Variants in GALNT9 observed in about 807,000 individuals in gnomAD.
GALNT9 encodes polypeptide N-acetylgalactosaminyltransferase 9.
A neutral mutation model predicts 63.1 loss-of-function variants in GALNT9; 47 were observed. The ratio of observed to expected loss-of-function variants is 0.75; its 90% CI spans 0.59 to 0.95. GALNT9 has a LOEUF of 0.95. Among genes scored for constraint, GALNT9 ranks in the 40% least tolerant of loss-of-function variants. The pLI, the probability that GALNT9 is intolerant of heterozygous loss-of-function variation, is 0.00. For synonymous variants in GALNT9, 396 were observed against 365.7 expected, an observed-to-expected ratio of 1.08 and a Z score of -0.94; for missense variants, 829 against 874.8, an observed-to-expected ratio of 0.95 and a Z score of 0.66.
intron 2 of GALNT9, among the ~76,000 whole-genome samples, chr12:132,276,944 A>G (rs1880119342): frequency 1.3e-5 from 2 of 149,402 alleles, no homozygotes; most frequent in South Asian, 4.2e-4. Context: ...ATCTGTGGAC[A>G]CACACACACA....
At position 132,197,258 on chromosome 12, in the gene GALNT9, G is replaced by C; in HGVS notation, c.1666-5C>G. On this transcript the variant is annotated splice_region_variant and splice_polypyrimidine_tract_variant and intron_variant, in intron 10 of 10. Transcript: ENST00000328957. ...CCGGCTCACAATGGGGCCACTCTGT[G>C]GGGACAGGCACATCAAGTCAGCCAG... 6.2e-7 allele frequency: 1 copy of C among 1,611,172 alleles called. No homozygotes were observed. The highest frequency in any genetic ancestry group is 8.5e-7 in the Non-Finnish European group (1 of 1,179,880).
chr12:132,277,291 C>T (rs577940959), intron 2 of GALNT9: 5 of 154,988 alleles, frequency 3.2e-5, no homozygotes, highest in East Asian at 1.9e-4. Flanking sequence ...ATGCAGCTTC[C>T]GTGGCTGCTT....
Position 132,286,196 on chromosome 12 carries a change from G to T in GALNT9, c.419+54C>A, listed in dbSNP as rs1473429002. On this transcript the variant is annotated intron_variant, in intron 2 of 10. Coordinates refer to ENST00000328957, the MANE Select transcript of GALNT9 (RefSeq NM_001122636.2). This position sits in a 1 kb window ranked among gnomAD's most constrained non-coding sequence, Gnocchi z 7.4. Reference sequence around the variant, plus strand: ...CAGTCACTTCCCTGGCCAGTGTGGGGGGCGGTCACTTCCTCGGCGGGCGTC... The same window carrying T: ...CAGTCACTTCCCTGGCCAGTGTGGGTGGCGGTCACTTCCTCGGCGGGCGTC... 1.3e-6 allele frequency: 2 copies of T among 1,512,084 alleles called. No individual in the cohort carries two copies. Among genetic ancestry groups the T allele is most frequent in the African/African-American group, 1.4e-5 (1 of 72,040 alleles). 93.7% of individuals were successfully genotyped at this position (1,512,084 alleles called of 1,614,324 possible).
At chr12:132,320,923 G>A (rs1349564618) in intron 1 of GALNT9, among the ~76,000 whole-genome samples, 1 of 152,250 alleles carries the variant, frequency 6.6e-6, no homozygotes, top group Non-Finnish European at 1.5e-5. Flanking sequence ...CAGGGGTCGT[G>A]TGACCGGCCC....
intron 1 of GALNT9, among the ~76,000 whole-genome samples, chr12:132,307,268 T>C (rs1881648639): frequency 6.6e-6 from 1 of 152,162 alleles, no homozygotes; most frequent in Non-Finnish European, 1.5e-5. Flanking sequence ...TTTATATCTC[T>C]ACATGTCAGC....
intron 5 of GALNT9, among the ~76,000 whole-genome samples, chr12:132,256,877 G>A (rs1462640117): frequency 6.6e-6 from 1 of 152,246 alleles, no homozygotes; most frequent in Non-Finnish European, 1.5e-5. Context: ...CTCACTGTGG[G>A]TTGAATTTGC....
rs148871101 is a variant in GALNT9 at position 132,244,206 on chromosome 12, G to A, written c.1077+3704C>T. ...AAGGTGGGAGGAGGGAAGGAGCTGG[G>A]GGACTGGAAAGCGGTGGTCAGCATC... On this transcript the variant is annotated intron_variant, in intron 6 of 10. Coordinates refer to ENST00000328957, the MANE Select transcript of GALNT9 (RefSeq NM_001122636.2). Among the ~76,000 whole-genome samples, 752 of 134,448 alleles carry A rather than the reference G, an allele frequency of 5.6e-3. 12 individuals carry two copies. The highest frequency in any genetic ancestry group is 0.02 in the African/African-American group (694 of 34,110). The allele number at this position is 134,448 out of a possible 152,430, so 88.2% of individuals were successfully genotyped here.
chr12:132,256,559 G>GTGGGTTTC (rs1879120699), intron 5 of GALNT9, among the ~76,000 whole-genome samples: 1 of 144,694 alleles, frequency 6.9e-6, no homozygotes, highest in African/African-American at 2.6e-5. Flanking sequence ...GGACACTGGA[G>GTGGGTTTC]GGGGGACACG....
intron 2 of GALNT9, among the ~76,000 whole-genome samples, chr12:132,270,441 G>C (rs1330412283): frequency 6.6e-6 from 1 of 152,240 alleles, no homozygotes; most frequent in Admixed American, 6.5e-5. Context: ...CCACCTCTGT[G>C]CCCTGCCAGG....
intron 6 of GALNT9, among the ~76,000 whole-genome samples, chr12:132,224,745 A>AC (rs1877580936): frequency 9.0e-6 from 1 of 111,110 alleles, no homozygotes; most frequent in South Asian, 3.2e-4. Context: ...CACACCCCAC[A>AC]CCCCTCCCAC....
In GALNT9 at chr12:132,282,159, G is replaced by A. The variant is rs1880378508; in HGVS notation, c.419+4091C>T. Among the ~76,000 whole-genome samples the A allele has an allele frequency of 7.0e-6, 1 of 142,556 alleles. No homozygotes were observed. The highest frequency in any genetic ancestry group is 1.5e-5 in the Non-Finnish European group (1 of 66,562). The allele number at this position is 142,556 out of a possible 152,430, so 93.5% of individuals were successfully genotyped here. On this transcript the variant is annotated intron_variant, in intron 2 of 10. Coordinates refer to ENST00000328957, the MANE Select transcript of GALNT9 (RefSeq NM_001122636.2). This position sits in a 1 kb window ranked among gnomAD's most constrained non-coding sequence, Gnocchi z 4.5. ...CCCCGATCCCACAGAGGAGGAATCA[G>A]CTCCACTACAGCAAGCCCAGGCCTG...
intron 2 of GALNT9, among the ~76,000 whole-genome samples, chr12:132,267,822 C>CAG (rs1566006159): frequency 1.6e-4 from 24 of 150,198 alleles, no homozygotes; most frequent in African/African-American, 5.2e-4. Context: ...CGCACTCACA[C>CAG]ATGCAGTCAC....
rs1875551479 is a variant in GALNT9 at position 132,197,020 on chromosome 12, G to A, written c.*87C>T. The A allele has an allele frequency of 1.9e-6, 3 of 1,570,104 alleles. No homozygotes were observed. The highest frequency in any genetic ancestry group is 2.7e-5 in the African/African-American group (2 of 74,206). ...CGCACATAGAGCCCTGTCCTGCTGTGTCTGCCGGGCACACCCCGGTCACTC... is the reference window on the plus strand; with the variant it reads ...CGCACATAGAGCCCTGTCCTGCTGTATCTGCCGGGCACACCCCGGTCACTC... On this transcript the variant is annotated 3_prime_UTR_variant, in exon 11 of 11. Transcript: ENST00000328957.
intron 6 of GALNT9, among the ~76,000 whole-genome samples, chr12:132,212,198 T>A (rs1435661415): frequency 0.018 from 2,042 of 112,752 alleles, 1 homozygote; most frequent in African/African-American, 0.067. Flanking sequence ...CCTTCAGACC[T>A]CGACACGGAA....
intron 6 of GALNT9, among the ~76,000 whole-genome samples, chr12:132,215,865 G>T (rs1401437572): frequency 6.6e-6 from 1 of 152,110 alleles, no homozygotes. Context: ...GGGATGGAGA[G>T]GGGGTGAGGG....
chr12:132,286,221 C>T lies in GALNT9; in HGVS notation c.419+29G>A, dbSNP rs1406441323. The T allele has an allele frequency of 1.6e-5, 24 of 1,513,738 alleles. No individual in the cohort carries two copies. The East Asian group carries it at 2.3e-4, about 14-fold the overall frequency. 93.8% of individuals were successfully genotyped at this position (1,513,738 alleles called of 1,614,324 possible). Reference sequence around the variant, plus strand: ...GGGCGGTCACTTCCTCGGCGGGCGTCGGGGGATGGGGGGCAGTCACTCACT... The same window carrying T: ...GGGCGGTCACTTCCTCGGCGGGCGTTGGGGGATGGGGGGCAGTCACTCACT... On this transcript the variant is annotated intron_variant, in intron 2 of 10. Transcript: ENST00000328957. This position sits in a 1 kb window ranked among gnomAD's most constrained non-coding sequence, Gnocchi z 7.4.
rs576555785 is a variant in GALNT9 at position 132,262,607 on chromosome 12, G to A, written c.438C>T (p.Tyr146=). Residue 146 remains tyrosine (Y), a synonymous_variant, in exon 3 of 11, where the codon TAC becomes TAT. Coordinates refer to ENST00000328957, the MANE Select transcript of GALNT9 (RefSeq NM_001122636.2). Reference sequence around the variant, plus strand: ...CGGAGACCTGGGGCAGGTCCTGGGCGTAGCTCATCTGTCTGCACCTGCAGG... The same window carrying A: ...CGGAGACCTGGGGCAGGTCCTGGGCATAGCTCATCTGTCTGCACCTGCAGG... ...YRPRKCRQMS[Y]AQDLPQVSVV... 7.8e-5 allele frequency: 121 copies of A among 1,550,174 alleles called. 3 individuals carry two copies. The South Asian group carries it at 8.3e-4, about 11-fold the overall frequency.
intron 6 of GALNT9, among the ~76,000 whole-genome samples, chr12:132,227,851 G>A (rs948219980): frequency 3.9e-5 from 6 of 152,060 alleles, no homozygotes; most frequent in African/African-American, 7.2e-5. Flanking sequence ...CGTGCTCAGC[G>A]GGGCTTCCCC....
At position 132,197,289 on chromosome 12, in the gene GALNT9, G is replaced by T. The variant is rs149961603; in HGVS notation, c.1666-36C>A. 1,519 of 1,603,614 alleles carry T rather than the reference G, an allele frequency of 9.5e-4. 14 individuals carry two copies. The African/African-American group carries it at 0.018, about 19-fold the overall frequency. ...AGGCACATCAAGTCAGCCAGGTGCA[G>T]GCGTCCTTGTTCCCCCTCCCCCCAC... On this transcript the variant is annotated intron_variant, in intron 10 of 10. Transcript: ENST00000328957.
Sources: gnomAD v4.1 joint callset for allele counts (sites outside exome capture counted in the v4.1 genomes callset) on GRCh38, gnomAD v4.1.1 for gene constraint, Gnocchi (gnomAD v3.1) non-coding constraint, MANE v1.5 for transcripts, NCBI Gene and HGNC (gene_info 2026-07-23, HGNC 2026-07-21) for gene names.